MEGF11: variants seen among roughly 807,000 people sequenced by gnomAD.
MEGF11 encodes multiple epidermal growth factor-like domains protein 11.
A neutral mutation model predicts 146.6 loss-of-function variants in MEGF11; 126 were observed. The observed-to-expected ratio is 0.86, with a 90% CI of 0.74 to 1.00. The LOEUF (loss-of-function observed/expected upper bound fraction) is 1.00, where lower values mean the gene tolerates loss of function less well. MEGF11 is among the 50% of genes least tolerant of loss of function. The pLI, the probability that MEGF11 is intolerant of heterozygous loss-of-function variation, is 0.00. For synonymous variants in MEGF11, 532 were observed against 583.4 expected, an observed-to-expected ratio of 0.91 and a Z score of 1.27; for missense variants, 1,509 against 1,521.2, an observed-to-expected ratio of 0.99 and a Z score of 0.13.
At chr15:66,085,009 C>T (rs1222400991) in intron 5 of MEGF11, among the ~76,000 whole-genome samples, 1 of 152,098 alleles carries the variant, frequency 6.6e-6, no homozygotes, top group Non-Finnish European at 1.5e-5. Context: ...GTGAGGCTGG[C>T]CCTTTGATTT....
rs2085781623 is a variant in MEGF11, at chr15:66,080,050, A to T, written c.394+14352T>A. ...ACCAAGGCTGGAACATCTCAAAGAGAAGGAGACAGAGGCTGGGGGATGTGA... is the reference window on the plus strand; with the variant it reads ...ACCAAGGCTGGAACATCTCAAAGAGTAGGAGACAGAGGCTGGGGGATGTGA... On this transcript the variant is annotated intron_variant, in intron 5 of 25. Coordinates refer to ENST00000395614, the MANE Select transcript of MEGF11 (RefSeq NM_001385028.1). Among the ~76,000 whole-genome samples the T allele has an allele frequency of 2.0e-5, 3 of 152,276 alleles. No homozygotes were observed. The East Asian group carries it at 5.8e-4, about 29-fold the overall frequency.
At chr15:66,202,468 C>T (rs1053848344) in intron 1 of MEGF11, among the ~76,000 whole-genome samples, 1 of 152,188 alleles carries the variant, frequency 6.6e-6, no homozygotes, top group African/African-American at 2.4e-5. Context: ...GGCAGCACTC[C>T]AGCCCCTCTG....
chr15:66,234,448 C>T (rs1208503060), intron 1 of MEGF11, among the ~76,000 whole-genome samples: 1 of 152,220 alleles, frequency 6.6e-6, no homozygotes, highest in Non-Finnish European at 1.5e-5. Flanking sequence ...GAGTCCAAGC[C>T]CACAGCATGT....
intron 4 of MEGF11, among the ~76,000 whole-genome samples, chr15:66,102,433 CT>C (rs753433380): frequency 0.011 from 1,442 of 130,276 alleles, 9 homozygotes; most frequent in African/African-American, 0.039. Flanking sequence ...TAAACATTTT[CT>C]TTTTTTTTTT....
intron 1 of MEGF11, among the ~76,000 whole-genome samples, chr15:66,147,107 C>A (rs931429170): frequency 2.0e-5 from 3 of 152,164 alleles, no homozygotes; most frequent in African/African-American, 7.2e-5. Context: ...GCCACTGACA[C>A]CCAAAAGTGA....
intron 5 of MEGF11, among the ~76,000 whole-genome samples, chr15:66,073,100 A>G (rs925778082): frequency 1.3e-5 from 2 of 152,222 alleles, no homozygotes; most frequent in Admixed American, 1.3e-4. Context: ...ACATGTGGCC[A>G]TGTCCCCAAG....
chr15:65,954,489 C>T (rs1402842645), intron 10 of MEGF11, among the ~76,000 whole-genome samples: 1 of 152,186 alleles, frequency 6.6e-6, no homozygotes, highest in Non-Finnish European at 1.5e-5. Flanking sequence ...TAATCACCTC[C>T]TGCAGCCCCT....
chr15:66,108,793 T>C (rs1405487832), intron 4 of MEGF11, among the ~76,000 whole-genome samples: 10 of 152,126 alleles, frequency 6.6e-5, no homozygotes, highest in Non-Finnish European at 2.9e-5. Flanking sequence ...ATCCAAGGTA[T>C]GAATTCAGAA....
chr15:65,965,087 GCCGAAGGAC>G lies in MEGF11; in HGVS notation c.924_932del (p.Ser309_Gly311del), dbSNP rs1289671800. The stretch of plus-strand genomic sequence containing the variant: ...AGTCACAGTGCTGTGAGCACTGGAA[GCCGAAGGAC>G]CCGAAGGGGCACTCCTCTTGGCACC... On this transcript the variant is annotated inframe_deletion, in exon 9 of 26. Coordinates refer to ENST00000395614, the MANE Select transcript of MEGF11 (RefSeq NM_001385028.1). 3 of 1,597,274 alleles carry G rather than the reference GCCGAAGGAC, an allele frequency of 1.9e-6. No homozygotes were observed. The highest frequency in any genetic ancestry group is 2.6e-6 in the Non-Finnish European group (3 of 1,170,662).
chr15:66,150,779 T>C (rs1268446107), intron 1 of MEGF11, among the ~76,000 whole-genome samples: 1 of 146,952 alleles, frequency 6.8e-6, no homozygotes, highest in South Asian at 2.1e-4. Context: ...AGAGGAAAGA[T>C]CACACCACTG....
At chr15:66,196,722 T>C (rs981740021) in intron 1 of MEGF11, among the ~76,000 whole-genome samples, 2 of 152,242 alleles carry the variant, frequency 1.3e-5, no homozygotes, top group Non-Finnish European at 1.5e-5. Flanking sequence ...CAGAAACTAT[T>C]GCCTGTGGCA....
At chr15:66,048,967 GCT>G (rs951998902) in intron 5 of MEGF11, among the ~76,000 whole-genome samples, 1 of 152,164 alleles carries the variant, frequency 6.6e-6, no homozygotes, top group African/African-American at 2.4e-5. Flanking sequence ...CTTCAGCCCA[GCT>G]CTCTCTCCTC....
At chr15:66,166,856 A>G (rs1218742741) in intron 1 of MEGF11, among the ~76,000 whole-genome samples, 2 of 152,120 alleles carry the variant, frequency 1.3e-5, no homozygotes, top group Non-Finnish European at 2.9e-5. Context: ...ATAAATAAAT[A>G]TCTTCTAAAT....
chr15:66,115,147 C>T (rs552756488), intron 4 of MEGF11, among the ~76,000 whole-genome samples: 97 of 152,346 alleles, frequency 6.4e-4, no homozygotes, highest in Non-Finnish European at 1.1e-3. Context: ...CCGCCCTGCC[C>T]AGGGCACAGG....
intron 1 of MEGF11, among the ~76,000 whole-genome samples, chr15:66,182,044 T>C (rs750350052): frequency 1.6e-4 from 24 of 152,308 alleles, no homozygotes; most frequent in South Asian, 2.1e-4. Context: ...TGAAAAGTCA[T>C]TGGGCGGCCC....
chr15:66,109,626 G>C (rs1260510597), intron 4 of MEGF11, among the ~76,000 whole-genome samples: 2 of 152,208 alleles, frequency 1.3e-5, no homozygotes, highest in Non-Finnish European at 2.9e-5. Context: ...GCTAGCAGAG[G>C]AAGTGAGTGG....
At chr15:66,015,032 T>C (rs2082839404) in intron 5 of MEGF11, among the ~76,000 whole-genome samples, 1 of 152,166 alleles carries the variant, frequency 6.6e-6, no homozygotes, top group Non-Finnish European at 1.5e-5. Flanking sequence ...CCACCATGAT[T>C]GCTTTCAAGC....
intron 5 of MEGF11, among the ~76,000 whole-genome samples, chr15:66,041,091 C>T (rs2083956127): frequency 6.6e-6 from 1 of 152,130 alleles, no homozygotes; most frequent in Admixed American, 6.5e-5. Flanking sequence ...TGAATGACTG[C>T]ATGGCAAAAA....
chr15:65,916,362 T>C, intron 17 of MEGF11, 86 bp from the exon 18 acceptor site: 1 of 1,452,428 alleles, frequency 6.9e-7, no homozygotes, highest in Middle Eastern at 1.8e-4. Flanking sequence ...CTTCTGTCTC[T>C]TTTTTTGCTG....
Sources: allele counts gnomAD v4.1 joint callset (sites outside exome capture counted in the v4.1 genomes callset), GRCh38; gene constraint gnomAD v4.1.1; transcripts MANE v1.5; gene names NCBI Gene and HGNC (gene_info 2026-07-23, HGNC 2026-07-21).